Variants in HDLBP observed in about 807,000 individuals in gnomAD.
HDLBP encodes vigilin.
In HDLBP, 30 loss-of-function variants were observed where a neutral mutation model predicts 137.3. That is an observed-to-expected ratio of 0.22 (90% CI 0.16 to 0.30). The LOEUF is 0.30. Among genes scored for constraint, HDLBP ranks in the 10% least tolerant of loss-of-function variants. The probability of loss-of-function intolerance (pLI) is 1.00; values close to 1 mark genes in which losing one functional copy is unlikely to be tolerated. For synonymous variants in HDLBP, 606 were observed against 596.0 expected (o/e 1.02, Z -0.24); for missense variants, 1,119 against 1,667.3 (o/e 0.67, Z 5.73).
chr2:241,307,366 G>A (rs1356817562), intron 1 of HDLBP, among the ~76,000 whole-genome samples: 1 of 152,224 alleles, frequency 6.6e-6, no homozygotes. Flanking sequence ...CCTGCCCCAG[G>A]AGAGACCTGC....
chr2:241,274,138 G>T (rs1344539429), intron 1 of HDLBP, among the ~76,000 whole-genome samples: 3 of 152,180 alleles, frequency 2.0e-5, no homozygotes, highest in African/African-American at 7.2e-5. Flanking sequence ...AGACTGGATG[G>T]ATAAGGGGGT....
intron 1 of HDLBP, among the ~76,000 whole-genome samples, chr2:241,275,757 T>C (rs897042221): frequency 2.0e-5 from 3 of 152,148 alleles, no homozygotes; most frequent in South Asian, 2.1e-4. Context: ...AAACAATACA[T>C]ACCAGAGGAT....
intron 23 of HDLBP, among the ~76,000 whole-genome samples, chr2:241,234,614 A>G (rs1348319451): frequency 6.6e-6 from 1 of 152,126 alleles, no homozygotes; most frequent in Non-Finnish European, 1.5e-5. Context: ...TGCTCACACA[A>G]TCCTCCAAAT....
intron 1 of HDLBP, among the ~76,000 whole-genome samples, chr2:241,285,830 A>G (rs1324528739): frequency 1.3e-5 from 2 of 152,124 alleles, no homozygotes; most frequent in Non-Finnish European, 2.9e-5. Context: ...AAAGTTTGAG[A>G]CCAGCCTGGG....
At chr2:241,250,113 C>T in intron 11 of HDLBP, 133 bp from the exon 12 acceptor site, 1 of 860,746 alleles carries the variant, frequency 1.2e-6, no homozygotes, top group Non-Finnish European at 1.8e-6. Context: ...CGATGCTTAG[C>T]TTCCCAAACA....
chr2:241,310,952 A>T (rs2075740355), intron 1 of HDLBP, among the ~76,000 whole-genome samples: 1 of 152,110 alleles, frequency 6.6e-6, no homozygotes. Flanking sequence ...ATGTCTACAA[A>T]AAGTTTTTAA....
At chr2:241,285,649 A>G (rs1450651541) in intron 1 of HDLBP, among the ~76,000 whole-genome samples, 1 of 152,236 alleles carries the variant, frequency 6.6e-6, no homozygotes, top group Admixed American at 6.5e-5. Context: ...ATTTAGAAAT[A>G]ATTCAAAATA....
In HDLBP at chr2:241,229,145, C is replaced by T; in HGVS notation, c.*456G>A. On this transcript the variant is annotated 3_prime_UTR_variant, in exon 28 of 28. Transcript: ENST00000310931. Reference sequence around the variant, plus strand: ...CAGCTGGAGGAGGCTGATTGCACTCCACAAACAGGACTGTCTGGACCAAGG... The same window carrying T: ...CAGCTGGAGGAGGCTGATTGCACTCTACAAACAGGACTGTCTGGACCAAGG... 1 of 173,056 alleles carries T rather than the reference C, an allele frequency of 5.8e-6. No individual in the cohort carries two copies. Among genetic ancestry groups the T allele is most frequent in the South Asian group, 1.3e-4 (1 of 7,688 alleles). 10.7% of individuals were successfully genotyped at this position (173,056 alleles called of 1,614,324 possible). A position where few individuals can be genotyped will look rare whatever the true frequency, so the allele number is the denominator to read the frequency against.
At chr2:241,305,145 G>A (rs936055005) in intron 1 of HDLBP, among the ~76,000 whole-genome samples, 26 of 152,078 alleles carry the variant, frequency 1.7e-4, no homozygotes, top group African/African-American at 4.1e-4. Flanking sequence ...TTTTTGAGAC[G>A]GAGTCTCGCT....
chr2:241,292,835 G>T (rs938535255), intron 1 of HDLBP, among the ~76,000 whole-genome samples: 1 of 152,100 alleles, frequency 6.6e-6, no homozygotes, highest in Non-Finnish European at 1.5e-5. Flanking sequence ...AGAAACCTGG[G>T]CAATATAGTG....
rs1048435275 is a variant in HDLBP, at chr2:241,240,444, G to A, written c.2170-322C>T. Among the ~76,000 whole-genome samples, 5 of 151,622 alleles carry A rather than the reference G, an allele frequency of 3.3e-5. No homozygotes were observed. Among genetic ancestry groups the A allele is most frequent in the African/African-American group, 1.2e-4 (5 of 41,422 alleles). ...TTTTGATCTGCACAGGGGGAGGTGG[G>A]AGCAACGCGCCGGACGATATGTTGG... On this transcript the variant is annotated intron_variant, in intron 17 of 27. Transcript: ENST00000310931. This position sits in a 1 kb window ranked among gnomAD's most constrained non-coding sequence, Gnocchi z 5.5.
Position 241,239,937 on chromosome 2 carries a change from C to T in HDLBP, c.2355G>A (p.Glu785=). Residue 785 remains glutamate (E), a synonymous_variant, in exon 18 of 28, where the codon GAG becomes GAA. Coordinates refer to ENST00000310931, the MANE Select transcript of HDLBP (RefSeq NM_005336.6). The surrounding 1 kb of genome is among the most constrained non-coding windows in gnomAD (Gnocchi z 4.6). The part of the protein sequence containing the change: ...TIIGKEDAVR[E]AQKELEALIQ... ...TCAAGGCCTCCAGCTCCTTCTGTGCCTCTCGGACGGCGTCCTCCTTTCCAA... is the reference window on the plus strand; with the variant it reads ...TCAAGGCCTCCAGCTCCTTCTGTGCTTCTCGGACGGCGTCCTCCTTTCCAA... 2 of 1,614,220 alleles carry T rather than the reference C, an allele frequency of 1.2e-6. No homozygotes were observed. The highest frequency in any genetic ancestry group is 2.2e-5 in the South Asian group (2 of 91,086).
rs1296285627 is a variant in HDLBP at position 241,229,143 on chromosome 2, T to G, written c.*458A>C. On this transcript the variant is annotated 3_prime_UTR_variant, in exon 28 of 28. Transcript: ENST00000310931. Reference sequence around the variant, plus strand: ...GGCAGCTGGAGGAGGCTGATTGCACTCCACAAACAGGACTGTCTGGACCAA... The same window carrying G: ...GGCAGCTGGAGGAGGCTGATTGCACGCCACAAACAGGACTGTCTGGACCAA... 5.9e-6 allele frequency: 1 copy of G among 168,570 alleles called. No homozygotes were observed. Among genetic ancestry groups the G allele is most frequent in the Non-Finnish European group, 1.3e-5 (1 of 77,454 alleles). The allele number at this position is 168,570 out of a possible 1,614,324, so 10.4% of individuals were successfully genotyped here.
chr2:241,265,440 A>T (rs534754607), intron 3 of HDLBP, among the ~76,000 whole-genome samples: 2 of 152,294 alleles, frequency 1.3e-5, no homozygotes, highest in South Asian at 4.1e-4. Context: ...CTGCAGTGGC[A>T]ATTGTCACCG....
At chr2:241,253,610 A>G (rs2072380368) in intron 9 of HDLBP, 113 bp from the exon 10 acceptor site, 2 of 713,352 alleles carry the variant, frequency 2.8e-6, no homozygotes, top group Admixed American at 2.2e-5. Context: ...TGCTTCACAT[A>G]GATGTGAGGG....
intron 1 of HDLBP, among the ~76,000 whole-genome samples, chr2:241,314,432 A>C (rs76523113): frequency 2.6e-5 from 4 of 152,214 alleles, no homozygotes; most frequent in Non-Finnish European, 5.9e-5. Flanking sequence ...TAAGAAAGTG[A>C]CTATCCTTAA....
At chr2:241,260,141 T>C (rs1399071499) in intron 5 of HDLBP, among the ~76,000 whole-genome samples, 2 of 152,046 alleles carry the variant, frequency 1.3e-5, no homozygotes, top group Admixed American at 6.6e-5. Context: ...GTAGCTGAGA[T>C]TGCAAGCACC....
At chr2:241,295,279 T>C (rs1239267485) in intron 1 of HDLBP, among the ~76,000 whole-genome samples, 10 of 152,146 alleles carry the variant, frequency 6.6e-5, no homozygotes, top group South Asian at 2.1e-4. Context: ...GCTAATAGTA[T>C]AGTATTAAAA....
At chr2:241,301,339 T>C (rs2075390486) in intron 1 of HDLBP, among the ~76,000 whole-genome samples, 1 of 152,086 alleles carries the variant, frequency 6.6e-6, no homozygotes. Flanking sequence ...CGTCTACTTA[T>C]CAGCAAATGT....
Sources: allele counts gnomAD v4.1 joint callset (sites outside exome capture counted in the v4.1 genomes callset), GRCh38; gene constraint gnomAD v4.1.1; non-coding constraint Gnocchi (gnomAD v3.1); transcripts MANE v1.5; gene names NCBI Gene and HGNC (gene_info 2026-07-23, HGNC 2026-07-21).